SPMAP2L: variants seen among roughly 807,000 people sequenced by gnomAD.
SPMAP2L encodes sperm microtubule associated protein 2 like.
At chr4:56,606,794 A>G in the SPMAP2L span, among the ~76,000 whole-genome samples, 2 of 152,196 alleles carry the variant, frequency 1.3e-5, no homozygotes, top group Non-Finnish European at 2.9e-5. Context: ...TATTGAAGTA[A>G]TTTAAGCATG....
the SPMAP2L span, among the ~76,000 whole-genome samples, chr4:56,586,286 C>A: frequency 6.6e-6 from 1 of 152,156 alleles, no homozygotes; most frequent in African/African-American, 2.4e-5. Context: ...CTGGCATATT[C>A]TTTTCTTGGT....
the SPMAP2L span, among the ~76,000 whole-genome samples, chr4:56,622,456 C>A: frequency 0.014 from 2,092 of 152,304 alleles, 13 homozygotes; most frequent in Middle Eastern, 0.031. Flanking sequence ...GGCAAAGTTC[C>A]AAATCTCCCT....
At chr4:56,601,177 C>T in the SPMAP2L span, 2 of 1,391,786 alleles carry the variant, frequency 1.4e-6, no homozygotes, top group East Asian at 2.5e-5. Context: ...GAAAGTTGAC[C>T]TAATAAGGCA....
At chr4:56,553,486 C>G in the SPMAP2L span, among the ~76,000 whole-genome samples, 15 of 138,984 alleles carry the variant, frequency 1.1e-4, no homozygotes, top group Non-Finnish European at 2.2e-4. Flanking sequence ...AGCCACCATG[C>G]CTGTCCTATT....
chr4:56,616,865 T>C, the SPMAP2L span, among the ~76,000 whole-genome samples: 1 of 152,238 alleles, frequency 6.6e-6, no homozygotes, highest in African/African-American at 2.4e-5. Context: ...TTTGTTAATC[T>C]ACATAGTTAT....
At chr4:56,543,893 AGAGTGTGT>A in the SPMAP2L span, among the ~76,000 whole-genome samples, 130 of 132,476 alleles carry the variant, frequency 9.8e-4, no homozygotes, top group African/African-American at 4.0e-3. Context: ...AGAGAGAGAG[AGAGTGTGT>A]GTGTGTGTGT....
At chr4:56,536,210 G>A in the SPMAP2L span, among the ~76,000 whole-genome samples, 1 of 152,174 alleles carries the variant, frequency 6.6e-6, no homozygotes, top group Non-Finnish European at 1.5e-5. Flanking sequence ...GGCCTACAAG[G>A]CCCCACTTGA....
chr4:56,551,364 TC>T, the SPMAP2L span, among the ~76,000 whole-genome samples: 1 of 152,142 alleles, frequency 6.6e-6, no homozygotes, highest in Non-Finnish European at 1.5e-5. Flanking sequence ...GGACCCTTTT[TC>T]TTTGGGGCCT....
At chr4:56,543,949 A>AGAGAGT in the SPMAP2L span, among the ~76,000 whole-genome samples, 1 of 115,870 alleles carries the variant, frequency 8.6e-6, no homozygotes, top group African/African-American at 3.4e-5. Flanking sequence ...AGAGAGAGAG[A>AGAGAGT]GTGTGTGTGT....
At chr4:56,595,255 A>C in the SPMAP2L span, 1 of 1,612,328 alleles carries the variant, frequency 6.2e-7, no homozygotes, top group Non-Finnish European at 8.5e-7. Flanking sequence ...TATTTTGGAC[A>C]CGAGACCCTT....
the SPMAP2L span, among the ~76,000 whole-genome samples, chr4:56,555,729 G>C: frequency 6.6e-6 from 1 of 150,448 alleles, no homozygotes; most frequent in Non-Finnish European, 1.5e-5. Flanking sequence ...AATGTAAATA[G>C]CATTGTGTTT....
chr4:56,539,211 G>A, the SPMAP2L span, among the ~76,000 whole-genome samples: 27,447 of 151,964 alleles, frequency 0.18, 2,718 homozygotes, highest in East Asian at 0.4. Context: ...TTTATTGAGC[G>A]CATACTATGT....
the SPMAP2L span, among the ~76,000 whole-genome samples, chr4:56,620,089 C>T: frequency 6.6e-6 from 1 of 152,194 alleles, no homozygotes; most frequent in Admixed American, 6.5e-5. Context: ...CTGGGCATCC[C>T]TTCAGCAGCG....
chr4:56,535,713 G>T, the SPMAP2L span, among the ~76,000 whole-genome samples: 1 of 152,114 alleles, frequency 6.6e-6, no homozygotes, highest in Non-Finnish European at 1.5e-5. Context: ...CCTCCAGCTG[G>T]GTTCTTGTCT....
chr4:56,540,915 T>C, the SPMAP2L span, among the ~76,000 whole-genome samples: 1 of 152,276 alleles, frequency 6.6e-6, no homozygotes, highest in African/African-American at 2.4e-5. Flanking sequence ...GTTTGAACAC[T>C]GCTGTGCCCA....
At chr4:56,536,244 C>G in the SPMAP2L span, among the ~76,000 whole-genome samples, 1 of 152,246 alleles carries the variant, frequency 6.6e-6, no homozygotes. Context: ...CTAACCTCAC[C>G]TTGAACTTGA....
the SPMAP2L span, among the ~76,000 whole-genome samples, chr4:56,606,439 A>G: frequency 6.6e-6 from 1 of 152,124 alleles, no homozygotes; most frequent in Non-Finnish European, 1.5e-5. Flanking sequence ...GGGACTGTGG[A>G]TCTTAAGCAT....
At chr4:56,601,546 C>A in the SPMAP2L span, among the ~76,000 whole-genome samples, 8 of 152,080 alleles carry the variant, frequency 5.3e-5, no homozygotes, top group Non-Finnish European at 2.9e-5. Context: ...ATCGCTTGAG[C>A]CCAGGAGTTT....
the SPMAP2L span, chr4:56,600,938 C>T: frequency 5.2e-6 from 8 of 1,533,350 alleles, no homozygotes; most frequent in Non-Finnish European, 6.1e-6. Flanking sequence ...CTATAGGTAC[C>T]TCCTGCTGCC....
Sources: gnomAD v4.1 joint callset for allele counts (sites outside exome capture counted in the v4.1 genomes callset) on GRCh38, gnomAD v4.1.1 for gene constraint, MANE v1.5 for transcripts, NCBI Gene and HGNC (gene_info 2026-07-23, HGNC 2026-07-21) for gene names.